The following REEP5 variants were observed in gnomAD, a reference collection of about 807,000 sequenced individuals.
REEP5 encodes receptor expression-enhancing protein 5.
Under a neutral mutation model 22.4 loss-of-function variants are expected in REEP5, and 24 were observed. The observed-to-expected ratio is 1.07, with a 90% CI of 0.78 to 1.51. The LOEUF (loss-of-function observed/expected upper bound fraction) is 1.51. Ranked by LOEUF, REEP5 falls within the 40% of genes most tolerant of loss-of-function variation. The pLI is 0.00. For synonymous variants in REEP5, 103 were observed against 88.6 expected (o/e 1.16, Z -0.92); for missense variants, 252 against 233.0 (o/e 1.08, Z -0.53).
At chr5:112,907,688 G>A (rs1768985322) in intron 2 of REEP5, among the ~76,000 whole-genome samples, 1 of 152,218 alleles carries the variant, frequency 6.6e-6, no homozygotes, top group African/African-American at 2.4e-5. Flanking sequence ...GAAATTTAAA[G>A]AGAAAGGAGT....
chr5:112,881,300 G>A (rs1444590961), intron 4 of REEP5, among the ~76,000 whole-genome samples: 1 of 152,012 alleles, frequency 6.6e-6, no homozygotes, highest in Non-Finnish European at 1.5e-5. Flanking sequence ...CCACTTCTGG[G>A]GCATCAGTGC....
rs1218531203 is a variant in REEP5 at position 112,876,539 on chromosome 5, T to G, written c.*2247A>C. 2.6e-5 allele frequency: 4 copies of G among 152,218 alleles called. No individual in the cohort carries two copies. The highest frequency in any genetic ancestry group is 4.8e-5 in the African/African-American group (2 of 41,442). The allele number at this position is 152,218 out of a possible 1,614,324, so 9.4% of individuals were successfully genotyped here. ...AGTAGCAGTTGTTGATCCAAATGATTGAAGCCTTCAGGTAAGGGAATAACT... is the reference window on the plus strand; with the variant it reads ...AGTAGCAGTTGTTGATCCAAATGATGGAAGCCTTCAGGTAAGGGAATAACT... On this transcript the variant is annotated 3_prime_UTR_variant, in exon 5 of 5. Coordinates refer to ENST00000379638, the MANE Select transcript of REEP5 (RefSeq NM_005669.5).
At position 112,922,132 on chromosome 5, in the gene REEP5, G is replaced by C; in HGVS notation, c.59C>G (p.Thr20Ser). The change falls in exon 1 of 5, where the codon ACT (threonine) becomes AGT (serine). Residue 20 changes from threonine to serine, a missense_variant. Physicochemically the swap from Thr to Ser is moderately conservative, Grantham distance 58. Coordinates refer to ENST00000379638, the MANE Select transcript of REEP5 (RefSeq NM_005669.5). ...DRFLHEKNCM[T>S]DLLAKLEAKT... ...GGCCTCGAGCTTGGCCAGAAGGTCA[G>C]TCATGCAGTTCTTCTCGTGCAGGAA... is the stretch of plus-strand genomic sequence containing the variant. 3 of 1,607,482 alleles carry C rather than the reference G, an allele frequency of 1.9e-6. No individual in the cohort carries two copies. Among genetic ancestry groups the C allele is most frequent in the Non-Finnish European group, 2.5e-6 (3 of 1,177,070 alleles).
At chr5:112,898,649 G>C (rs770830626) in intron 3 of REEP5, among the ~76,000 whole-genome samples, 1 of 152,126 alleles carries the variant, frequency 6.6e-6, no homozygotes, top group East Asian at 1.9e-4. Flanking sequence ...ACTGCCACAA[G>C]CAAGTGGGCC....
intron 2 of REEP5, among the ~76,000 whole-genome samples, chr5:112,915,880 TA>T (rs375548847): frequency 0.028 from 3,711 of 133,764 alleles, 53 homozygotes; most frequent in African/African-American, 0.04. Context: ...AATTACAATT[TA>T]AAAAAAAAAA....
At chr5:112,912,167 TAA>T (rs1444620267) in intron 2 of REEP5, among the ~76,000 whole-genome samples, 1 of 152,158 alleles carries the variant, frequency 6.6e-6, no homozygotes, top group Non-Finnish European at 1.5e-5. Flanking sequence ...CTGAATTTTA[TAA>T]AAGTTAAGCT....
chr5:112,892,152 G>A (rs773937476), intron 3 of REEP5: 2 of 1,614,196 alleles, frequency 1.2e-6, no homozygotes, highest in South Asian at 2.2e-5. Context: ...GAGTAATGGA[G>A]AAGGATCGAG....
At chr5:112,919,127 A>G (rs945107137) in intron 2 of REEP5, among the ~76,000 whole-genome samples, 9 of 152,214 alleles carry the variant, frequency 5.9e-5, no homozygotes, top group African/African-American at 2.2e-4. Context: ...TACAAGAGGT[A>G]TGGAGAATAG....
chr5:112,916,440 A>G (rs948976225), intron 2 of REEP5, among the ~76,000 whole-genome samples: 1 of 152,212 alleles, frequency 6.6e-6, no homozygotes, highest in Non-Finnish European at 1.5e-5. Context: ...AAACAGAGCA[A>G]GCCTCTGCTG....
intron 2 of REEP5, among the ~76,000 whole-genome samples, chr5:112,911,106 A>T (rs746052312): frequency 2.0e-5 from 3 of 152,224 alleles, no homozygotes; most frequent in Non-Finnish European, 4.4e-5. Flanking sequence ...GCGCACAAAT[A>T]AAAGGTCTTC....
chr5:112,909,912 C>A (rs1769053386), intron 2 of REEP5, among the ~76,000 whole-genome samples: 1 of 152,194 alleles, frequency 6.6e-6, no homozygotes, highest in Admixed American at 6.5e-5. Flanking sequence ...TTTCAGAAAA[C>A]CTAAGATATT....
intron 2 of REEP5, among the ~76,000 whole-genome samples, chr5:112,911,607 A>G (rs955365838): frequency 6.8e-4 from 104 of 152,338 alleles, no homozygotes; most frequent in Non-Finnish European, 6.2e-4. Context: ...ACCATGCAAA[A>G]TAGATCAAAT....
At chr5:112,891,098 A>G (rs977861291) in intron 3 of REEP5, among the ~76,000 whole-genome samples, 3 of 147,164 alleles carry the variant, frequency 2.0e-5, no homozygotes, top group Non-Finnish European at 4.4e-5. Context: ...TTTGAGACAG[A>G]GTCTCACTCT....
At chr5:112,895,599 G>A (rs1458956826) in intron 3 of REEP5, 1 of 152,142 alleles carries the variant, frequency 6.6e-6, no homozygotes, top group African/African-American at 2.4e-5. Flanking sequence ...ATTGTCTTGA[G>A]ACAGTAAAAT....
At chr5:112,889,089 T>A (rs954563090) in intron 3 of REEP5, among the ~76,000 whole-genome samples, 2 of 150,924 alleles carry the variant, frequency 1.3e-5, no homozygotes, top group Admixed American at 6.6e-5. Flanking sequence ...CCACCATGAT[T>A]GTGAGGTCTC....
intron 2 of REEP5, 116 bp downstream of exon 2, chr5:112,921,047 C>T (rs1191005859): frequency 1.0e-5 from 10 of 1,003,752 alleles, no homozygotes; most frequent in Non-Finnish European, 1.5e-5. Context: ...AACCTCATCC[C>T]TCCCCGCCGA....
intron 3 of REEP5, among the ~76,000 whole-genome samples, chr5:112,891,361 C>T (rs1463484704): frequency 1.3e-5 from 2 of 152,142 alleles, no homozygotes; most frequent in Admixed American, 1.3e-4. Context: ...GAGTGAGCCA[C>T]CGCACCTGGC....
chr5:112,918,296 A>G (rs995721524), intron 2 of REEP5, among the ~76,000 whole-genome samples: 1 of 152,206 alleles, frequency 6.6e-6, no homozygotes. Context: ...CTCCCCAGTG[A>G]GCACTGGGCA....
chr5:112,879,331 G>C lies in REEP5; in HGVS notation c.521-496C>G, dbSNP rs1167091833. Reference sequence around the variant, plus strand: ...ATCCCTTGATATATGTGTTTGGGGGGGGGGGCTGGGGGGGCGGTGGGGGAG... The same window carrying C: ...ATCCCTTGATATATGTGTTTGGGGGCGGGGGCTGGGGGGGCGGTGGGGGAG... On this transcript the variant is annotated intron_variant, in intron 4 of 4. Coordinates refer to ENST00000379638, the MANE Select transcript of REEP5 (RefSeq NM_005669.5). 1.9e-4 allele frequency among the ~76,000 whole-genome samples: 28 copies of C among 151,308 alleles called. No homozygotes were observed. In the East Asian group the frequency reaches 3.1e-3, roughly 17 times the overall value.
Sources: gnomAD v4.1 joint callset for allele counts (sites outside exome capture counted in the v4.1 genomes callset) on GRCh38, gnomAD v4.1.1 for gene constraint, MANE v1.5 for transcripts, NCBI Gene and HGNC (gene_info 2026-07-23, HGNC 2026-07-21) for gene names.